The following LRRC17 variants were observed in gnomAD, a reference collection of about 807,000 sequenced individuals.
The protein encoded by LRRC17 is leucine rich repeat containing 17, also known as leucine-rich repeat-containing protein 17.
LRRC17 carries 33 observed loss-of-function variants against 41.5 expected under a neutral mutation model. The ratio of observed to expected loss-of-function variants is 0.80; its 90% CI spans 0.60 to 1.06. The LOEUF is 1.06. LRRC17 is among the 50% of genes least tolerant of loss of function. LRRC17 has a pLI of 0.00. For synonymous variants in LRRC17, 192 were observed against 197.0 expected, an observed-to-expected ratio of 0.97 and a Z score of 0.21; for missense variants, 491 against 519.3, an observed-to-expected ratio of 0.95 and a Z score of 0.53.
chr7:102,938,814 T>C lies in LRRC17; in HGVS notation c.773-616T>C, dbSNP rs536826840. On this transcript the variant is annotated intron_variant, in intron 2 of 3. Transcript: ENST00000339431. ...ACACAGCAAATGAGATTTTCCTGTG[T>C]TTTTCTAAGCCACACTAGGAAAGCC... Among the ~76,000 whole-genome samples, 13 of 152,320 alleles carry C rather than the reference T, an allele frequency of 8.5e-5. No homozygotes were observed. The East Asian group carries it at 2.5e-3, about 29-fold the overall frequency.
chr7:102,922,144 C>T (rs145788930), intron 1 of LRRC17, among the ~76,000 whole-genome samples: 84 of 150,716 alleles, frequency 5.6e-4, no homozygotes, highest in African/African-American at 1.9e-3. Flanking sequence ...GAGCTGAGGT[C>T]GTGCCACTGC....
intron 3 of LRRC17, among the ~76,000 whole-genome samples, chr7:102,941,817 T>C (rs1229384953): frequency 1.3e-5 from 2 of 151,470 alleles, no homozygotes; most frequent in Non-Finnish European, 2.9e-5. Flanking sequence ...TGAGTAACAG[T>C]GTGGCAATGT....
At chr7:102,921,553 G>C (rs1817031417) in intron 1 of LRRC17, among the ~76,000 whole-genome samples, 1 of 151,408 alleles carries the variant, frequency 6.6e-6, no homozygotes, top group African/African-American at 2.4e-5. Context: ...TGTGGTAAGT[G>C]CCTGTAGTCC....
chr7:102,942,197 G>T, intron 3 of LRRC17: 1 of 921,420 alleles, frequency 1.1e-6, no homozygotes, highest in South Asian at 1.6e-5. Context: ...CACTTTCCTA[G>T]AACAAAAGTT....
At chr7:102,929,884 T>A (rs796299936) in intron 1 of LRRC17, among the ~76,000 whole-genome samples, 2 of 152,024 alleles carry the variant, frequency 1.3e-5, no homozygotes, top group African/African-American at 4.8e-5. Context: ...AGTGGGTAAA[T>A]TTAATCTCAA....
intron 1 of LRRC17, among the ~76,000 whole-genome samples, chr7:102,928,144 T>C (rs1236458674): frequency 6.6e-6 from 1 of 152,158 alleles, no homozygotes; most frequent in Non-Finnish European, 1.5e-5. Context: ...AGCTTGGACA[T>C]CCAAACAAAA....
chr7:102,923,526 G>C (rs1283939384), intron 1 of LRRC17, among the ~76,000 whole-genome samples: 6 of 152,240 alleles, frequency 3.9e-5, no homozygotes, highest in Admixed American at 2.0e-4. Flanking sequence ...TTTCTTGCCT[G>C]TATAAGAATT....
At chr7:102,916,287 G>A (rs868503191) in intron 1 of LRRC17, among the ~76,000 whole-genome samples, 1 of 152,104 alleles carries the variant, frequency 6.6e-6, no homozygotes, top group Non-Finnish European at 1.5e-5. Context: ...GCAACTAGCC[G>A]AGATGAGTTT....
chr7:102,934,458 G>A lies in LRRC17; in HGVS notation c.545G>A (p.Arg182Lys). ...ETLISMLQIPRNRNLGNYAKC... is the reference protein window; with the variant it reads ...ETLISMLQIPKNRNLGNYAKC... ...CTTATTTCAATGTTGCAGATTCCCA[G>A]GAACCGGAATTTGGGGAACTACGCC... is the stretch of plus-strand genomic sequence containing the variant. Residue 182 changes from arginine to lysine, a missense_variant, in exon 2 of 4, where the codon AGG becomes AAG. Physicochemically the swap from Arg to Lys is conservative, Grantham distance 26. Coordinates refer to ENST00000339431, the MANE Select transcript of LRRC17 (RefSeq NM_001031692.3). 3 of 1,614,150 alleles carry A rather than the reference G, an allele frequency of 1.9e-6. No individual in the cohort carries two copies. The highest frequency in any genetic ancestry group is 2.5e-6 in the Non-Finnish European group (3 of 1,180,032).
intron 1 of LRRC17, among the ~76,000 whole-genome samples, chr7:102,917,150 A>G (rs541168022): frequency 1.9e-4 from 29 of 152,332 alleles, no homozygotes; most frequent in African/African-American, 6.7e-4. Context: ...CAGAAAACCT[A>G]AATGGAGTGA....
chr7:102,942,956 G>A (rs1464061737), intron 3 of LRRC17, among the ~76,000 whole-genome samples: 6 of 152,162 alleles, frequency 3.9e-5, no homozygotes, highest in East Asian at 1.9e-4. Context: ...AGATAACCCA[G>A]GTGTAGATTT....
intron 1 of LRRC17, among the ~76,000 whole-genome samples, chr7:102,914,091 C>T (rs1387725887): frequency 6.6e-6 from 1 of 152,182 alleles, no homozygotes; most frequent in African/African-American, 2.4e-5. Context: ...GACGAAGTTT[C>T]GCTCTTGTTG....
intron 2 of LRRC17, among the ~76,000 whole-genome samples, chr7:102,937,012 C>T (rs1007296184): frequency 1.1e-4 from 16 of 152,014 alleles, no homozygotes. Flanking sequence ...GTTGTGTAAA[C>T]ACAACCTTCC....
At chr7:102,924,734 T>C (rs909045860) in intron 1 of LRRC17, among the ~76,000 whole-genome samples, 11 of 148,338 alleles carry the variant, frequency 7.4e-5, no homozygotes, top group Admixed American at 7.0e-4. Flanking sequence ...CTCCGCCTCC[T>C]GGGTTCATGC....
chr7:102,921,517 T>C (rs1423333326), intron 1 of LRRC17, among the ~76,000 whole-genome samples: 2 of 151,454 alleles, frequency 1.3e-5, no homozygotes, highest in African/African-American at 2.4e-5. Context: ...CTGTCTCTAC[T>C]AAAAATACAA....
intron 1 of LRRC17, among the ~76,000 whole-genome samples, chr7:102,922,285 T>C (rs1390807630): frequency 6.6e-6 from 1 of 151,984 alleles, no homozygotes; most frequent in Non-Finnish European, 1.5e-5. Flanking sequence ...GTTAAAACAA[T>C]ACTTATCAAG....
At chr7:102,942,805 C>T (rs1211597958) in intron 3 of LRRC17, among the ~76,000 whole-genome samples, 1 of 151,920 alleles carries the variant, frequency 6.6e-6, no homozygotes, top group Non-Finnish European at 1.5e-5. Context: ...TTGGTATGAC[C>T]ACATATTTTC....
At chr7:102,931,765 G>A in intron 1 of LRRC17, 1 of 855,494 alleles carries the variant, frequency 1.2e-6, no homozygotes, top group South Asian at 1.9e-5. Flanking sequence ...AACATAGTTT[G>A]CTCTTTTCCA....
intron 2 of LRRC17, 122 bp from the exon 3 acceptor site, chr7:102,939,307 GC>G (rs1313145346): frequency 2.6e-6 from 2 of 758,644 alleles, no homozygotes; most frequent in Admixed American, 5.8e-5. Flanking sequence ...ACTTTCTTTG[GC>G]TTTAGATATC....
Sources: allele counts gnomAD v4.1 joint callset (sites outside exome capture counted in the v4.1 genomes callset), GRCh38; gene constraint gnomAD v4.1.1; transcripts MANE v1.5; gene names NCBI Gene and HGNC (gene_info 2026-07-23, HGNC 2026-07-21).